Variants in TENM4 observed in about 807,000 individuals in gnomAD.
TENM4 encodes the protein teneurin-4.
TENM4 carries 82 observed loss-of-function variants against 243.3 expected under a neutral mutation model. That is an observed-to-expected ratio of 0.34 (90% CI 0.28 to 0.40). TENM4 has a LOEUF of 0.40. Among genes scored for constraint, TENM4 ranks in the 10% least tolerant of loss-of-function variants. The pLI, the probability that TENM4 is intolerant of heterozygous loss-of-function variation, is 1.00. For missense variants in TENM4, 3,138 were observed against 3,673.3 expected (o/e 0.85, Z 3.77); for synonymous variants, 1,412 against 1,456.3 (o/e 0.97, Z 0.69).
intron 1 of TENM4, among the ~76,000 whole-genome samples, chr11:79,333,108 T>C (rs1283272079): frequency 6.6e-6 from 1 of 152,140 alleles, no homozygotes; most frequent in Admixed American, 6.5e-5. Flanking sequence ...AACACAGCAG[T>C]CTTCCCTATC....
intron 6 of TENM4, among the ~76,000 whole-genome samples, chr11:78,965,363 C>A (rs2136549305): frequency 6.6e-6 from 1 of 152,178 alleles, no homozygotes; most frequent in African/African-American, 2.4e-5. Flanking sequence ...TGGAAAAGTT[C>A]TGTCTACCAG....
At chr11:79,236,344 T>C (rs1336971977) in intron 2 of TENM4, among the ~76,000 whole-genome samples, 12 of 152,212 alleles carry the variant, frequency 7.9e-5, no homozygotes, top group Admixed American at 7.2e-4. Context: ...ATCTAAACTT[T>C]CCTTGATGGC....
chr11:78,738,660 A>T, intron 19 of TENM4, 90 bp from the exon 20 acceptor site: 1 of 1,382,216 alleles, frequency 7.2e-7, no homozygotes, highest in Non-Finnish European at 9.8e-7. Flanking sequence ...AGAAGCCAGA[A>T]AATCAGTCAC....
intron 12 of TENM4, among the ~76,000 whole-genome samples, chr11:78,815,637 C>T (rs549371271): frequency 1.3e-5 from 2 of 152,326 alleles, no homozygotes; most frequent in South Asian, 2.1e-4. Context: ...TTTGGAACAG[C>T]TCATTTCTCA....
At chr11:79,226,219 C>T (rs1400590027) in intron 2 of TENM4, among the ~76,000 whole-genome samples, 1 of 152,228 alleles carries the variant, frequency 6.6e-6, no homozygotes, top group Non-Finnish European at 1.5e-5. Flanking sequence ...AAAGCCCAGC[C>T]AAATCCCTCA....
chr11:78,824,719 G>T (rs543663700), intron 12 of TENM4, among the ~76,000 whole-genome samples: 10 of 152,108 alleles, frequency 6.6e-5, no homozygotes, highest in African/African-American at 2.4e-4. Context: ...GCCCAGGCTA[G>T]TCTCGAACTC....
intron 1 of TENM4, among the ~76,000 whole-genome samples, chr11:79,437,772 G>C (rs1012344708): frequency 6.6e-6 from 1 of 152,168 alleles, no homozygotes; most frequent in Non-Finnish European, 1.5e-5. Context: ...TCCCCGCCGC[G>C]ACCTGATTCC....
intron 2 of TENM4, among the ~76,000 whole-genome samples, chr11:79,224,811 C>T (rs1864231193): frequency 6.6e-6 from 1 of 152,118 alleles, no homozygotes; most frequent in African/African-American, 2.4e-5. Flanking sequence ...ATTAGTCCGG[C>T]ATGGTGGCGC....
chr11:78,830,956 C>G (rs1857966587), intron 12 of TENM4, among the ~76,000 whole-genome samples: 1 of 152,210 alleles, frequency 6.6e-6, no homozygotes, highest in Admixed American at 6.5e-5. Context: ...TCACCACCAC[C>G]TGTTATTGAG....
At chr11:78,725,999 T>C (rs914428773) in intron 23 of TENM4, 80 bp downstream of exon 23, 21 of 1,559,398 alleles carry the variant, frequency 1.3e-5, no homozygotes, top group East Asian at 2.3e-5. Context: ...AAATGTGAAT[T>C]TTTTGTTTGG....
intron 1 of TENM4, chr11:79,439,166 C>T (rs927067672): frequency 6.7e-6 from 1 of 149,464 alleles, no homozygotes; most frequent in East Asian, 2.0e-4. Flanking sequence ...CGAGCTTGCC[C>T]CACCACCGCC....
At chr11:79,327,352 C>A (rs1856991200) in intron 1 of TENM4, among the ~76,000 whole-genome samples, 1 of 152,176 alleles carries the variant, frequency 6.6e-6, no homozygotes, top group African/African-American at 2.4e-5. Context: ...TTTCATTTCA[C>A]TCCTTTGCAA....
chr11:78,783,477 G>T (rs190347215), intron 16 of TENM4, among the ~76,000 whole-genome samples: 2 of 152,256 alleles, frequency 1.3e-5, no homozygotes, highest in Admixed American at 1.3e-4. Flanking sequence ...GGGCTGATGG[G>T]TGTGCAGTTC....
intron 4 of TENM4, among the ~76,000 whole-genome samples, chr11:79,087,971 G>A (rs59995399): frequency 0.059 from 9,049 of 152,298 alleles, 395 homozygotes; most frequent in East Asian, 0.24. Context: ...TGTTCTTTCC[G>A]TGGGGAAGCT....
intron 6 of TENM4, among the ~76,000 whole-genome samples, chr11:78,928,812 C>A (rs770866398): frequency 4.6e-5 from 7 of 152,098 alleles, no homozygotes; most frequent in Non-Finnish European, 7.4e-5. Flanking sequence ...GATCTAGGTG[C>A]CATCACTTAC....
At chr11:78,755,316 C>T (rs906880204) in intron 19 of TENM4, among the ~76,000 whole-genome samples, 1 of 152,092 alleles carries the variant, frequency 6.6e-6, no homozygotes, top group Non-Finnish European at 1.5e-5. Context: ...AGGTACCTGC[C>T]ACCACACCCA....
At chr11:79,162,589 C>G (rs1465388991) in intron 3 of TENM4, among the ~76,000 whole-genome samples, 1 of 152,102 alleles carries the variant, frequency 6.6e-6, no homozygotes, top group African/African-American at 2.4e-5. Context: ...AATCCCAAAA[C>G]TTATTTAATT....
intron 4 of TENM4, among the ~76,000 whole-genome samples, chr11:79,118,002 T>TG (rs1452867993): frequency 6.6e-6 from 1 of 152,210 alleles, no homozygotes; most frequent in Non-Finnish European, 1.5e-5. Flanking sequence ...GAAATGCTTT[T>TG]GGGGCATTCA....
chr11:78,997,692 T>C (rs1053619240), intron 6 of TENM4, among the ~76,000 whole-genome samples: 3 of 152,186 alleles, frequency 2.0e-5, no homozygotes, highest in Admixed American at 2.0e-4. Flanking sequence ...GAAGACCCAG[T>C]GAAACTCTAC....
Sources: gnomAD v4.1 joint callset for allele counts (sites outside exome capture counted in the v4.1 genomes callset) on GRCh38, gnomAD v4.1.1 for gene constraint, MANE v1.5 for transcripts, NCBI Gene and HGNC (gene_info 2026-07-23, HGNC 2026-07-21) for gene names.